The following EHHADH variants were observed in gnomAD, a reference collection of about 807,000 sequenced individuals.
EHHADH encodes the protein enoyl-CoA hydratase and 3-hydroxyacyl CoA dehydrogenase.
EHHADH carries 48 observed loss-of-function variants against 64.4 expected under a neutral mutation model. The ratio of observed to expected loss-of-function variants is 0.75; its 90% CI spans 0.59 to 0.95. The LOEUF (loss-of-function observed/expected upper bound fraction) is 0.95, where lower values mean the gene tolerates loss of function less well. EHHADH is among the 40% of genes least tolerant of loss of function. The pLI is 0.00. For synonymous variants in EHHADH, 308 were observed against 326.7 expected, an observed-to-expected ratio of 0.94 and a Z score of 0.62; for missense variants, 854 against 876.6, an observed-to-expected ratio of 0.97 and a Z score of 0.33.
intron 4 of EHHADH, among the ~76,000 whole-genome samples, chr3:185,228,167 G>A (rs868406901): frequency 2.1e-5 from 3 of 140,824 alleles, no homozygotes; most frequent in Admixed American, 7.4e-5. Context: ...CCCAGGAGGC[G>A]GAGGTTGCAC....
chr3:185,197,233 C>G (rs1022107201), intron 6 of EHHADH, among the ~76,000 whole-genome samples: 1 of 152,136 alleles, frequency 6.6e-6, no homozygotes, highest in African/African-American at 2.4e-5. Context: ...CTGTCAATAT[C>G]TAACAACCAT....
At chr3:185,225,021 T>C (rs1224984699) in intron 4 of EHHADH, among the ~76,000 whole-genome samples, 1 of 152,244 alleles carries the variant, frequency 6.6e-6, no homozygotes, top group African/African-American at 2.4e-5. Context: ...ATACCGTTTA[T>C]GAAATGTGGT....
In EHHADH at chr3:185,193,306, C is replaced by G. The variant is rs771639324; in HGVS notation, c.1092G>C (p.Arg364Ser). ...SGHPWSGPKP[R>S]LTSSVKELGG... ...CAAGCTCCTTCACAGATGAAGTTAA[C>G]CTGGGTTTTGGTCCTGACCAAGGGT... The change falls in exon 7 of 7, where the codon AGG becomes AGC. Residue 364 changes from arginine to serine, a missense_variant. Physicochemically the swap from Arg to Ser is moderately radical, Grantham distance 110 (BLOSUM62 -1). Coordinates refer to ENST00000231887, the MANE Select transcript of EHHADH (RefSeq NM_001966.4). The G allele has an allele frequency of 1.9e-6, 3 of 1,609,928 alleles. No individual in the cohort carries two copies. The highest frequency in any genetic ancestry group is 2.5e-6 in the Non-Finnish European group (3 of 1,178,430).
chr3:185,230,311 T>C (rs1719117750), intron 3 of EHHADH, among the ~76,000 whole-genome samples: 1 of 152,180 alleles, frequency 6.6e-6, no homozygotes, highest in Non-Finnish European at 1.5e-5. Context: ...ATCAAATCCA[T>C]TCCTGGGTAT....
chr3:185,234,226 C>T (rs1032186762), intron 3 of EHHADH, among the ~76,000 whole-genome samples: 1 of 152,182 alleles, frequency 6.6e-6, no homozygotes, highest in East Asian at 1.9e-4. Flanking sequence ...ACATGTCTAA[C>T]AGCCTAAATT....
chr3:185,202,535 A>G (rs1006886019), intron 6 of EHHADH, among the ~76,000 whole-genome samples: 4 of 152,140 alleles, frequency 2.6e-5, no homozygotes, highest in Middle Eastern at 3.4e-3. Context: ...GGGGTCGCCA[A>G]CCTCTGGCTG....
chr3:185,246,818 C>T (rs900853364), intron 2 of EHHADH, among the ~76,000 whole-genome samples: 4 of 152,046 alleles, frequency 2.6e-5, no homozygotes, highest in Admixed American at 6.6e-5. Flanking sequence ...AGTTCCTTTA[C>T]ATAAATACTT....
intron 3 of EHHADH, among the ~76,000 whole-genome samples, chr3:185,230,033 A>G (rs960319524): frequency 4.6e-5 from 7 of 152,254 alleles, no homozygotes; most frequent in African/African-American, 1.7e-4. Context: ...ACATTCCTCC[A>G]AAGAAGAGAT....
chr3:185,212,901 C>T (rs1182401056), intron 5 of EHHADH, among the ~76,000 whole-genome samples: 2 of 151,928 alleles, frequency 1.3e-5, no homozygotes, highest in African/African-American at 2.4e-5. Context: ...AGGTGGATCA[C>T]TTGGGGTCAG....
chr3:185,251,744 G>A (rs1370405095), intron 1 of EHHADH, among the ~76,000 whole-genome samples: 2 of 151,934 alleles, frequency 1.3e-5, no homozygotes, highest in African/African-American at 2.4e-5. Flanking sequence ...AAGAAAAAGT[G>A]TAAGAAAAAA....
chr3:185,202,057 G>T (rs1718242553), intron 6 of EHHADH, among the ~76,000 whole-genome samples: 1 of 152,220 alleles, frequency 6.6e-6, no homozygotes, highest in Non-Finnish European at 1.5e-5. Flanking sequence ...CACAAGTGAG[G>T]CTGGGCACAA....
At chr3:185,212,205 G>A (rs1718559445) in intron 5 of EHHADH, among the ~76,000 whole-genome samples, 1 of 152,228 alleles carries the variant, frequency 6.6e-6, no homozygotes. Flanking sequence ...GCATTTTATA[G>A]GATGCTCCCC....
chr3:185,232,998 C>T (rs564170126), intron 3 of EHHADH, among the ~76,000 whole-genome samples: 2 of 152,280 alleles, frequency 1.3e-5, no homozygotes, highest in South Asian at 4.1e-4. Context: ...AATGAAAAGG[C>T]ACTAGACAGT....
chr3:185,197,187 T>C (rs766208928), intron 6 of EHHADH, among the ~76,000 whole-genome samples: 13 of 152,106 alleles, frequency 8.5e-5, no homozygotes, highest in African/African-American at 1.7e-4. Context: ...GTGATGAGAA[T>C]GTTCTAAAAT....
chr3:185,221,199 CT>C (rs1357105098), intron 4 of EHHADH, among the ~76,000 whole-genome samples: 1 of 152,200 alleles, frequency 6.6e-6, no homozygotes, highest in Non-Finnish European at 1.5e-5. Context: ...CCCCCATATA[CT>C]TTAAGTATCT....
At chr3:185,238,335 C>A (rs1402855933) in intron 2 of EHHADH, among the ~76,000 whole-genome samples, 1 of 152,186 alleles carries the variant, frequency 6.6e-6, no homozygotes, top group East Asian at 1.9e-4. Flanking sequence ...AATCTCCATA[C>A]TGTTTTTCCA....
At chr3:185,243,161 T>C (rs1719502620) in intron 2 of EHHADH, among the ~76,000 whole-genome samples, 1 of 152,254 alleles carries the variant, frequency 6.6e-6, no homozygotes, top group Non-Finnish European at 1.5e-5. Flanking sequence ...TGTTCCAGAA[T>C]GGAGGATCTC....
intron 4 of EHHADH, among the ~76,000 whole-genome samples, chr3:185,218,630 G>C (rs551812065): frequency 6.6e-6 from 1 of 152,144 alleles, no homozygotes; most frequent in Admixed American, 6.5e-5. Context: ...AGAAATGTGA[G>C]ATGTTTAGTT....
chr3:185,223,571 C>A (rs1577366530), intron 4 of EHHADH, among the ~76,000 whole-genome samples: 1 of 152,120 alleles, frequency 6.6e-6, no homozygotes, highest in Non-Finnish European at 1.5e-5. Context: ...TGCCTGAGAG[C>A]CTTGAGGTGC....
Sources: allele counts gnomAD v4.1 joint callset (sites outside exome capture counted in the v4.1 genomes callset), GRCh38; gene constraint gnomAD v4.1.1; transcripts MANE v1.5; gene names NCBI Gene and HGNC (gene_info 2026-07-23, HGNC 2026-07-21).